Variants in DMD observed in about 807,000 individuals in gnomAD.
DMD encodes the protein mutant dystrophin.
DMD carries 63 observed loss-of-function variants against 330.1 expected under a neutral mutation model. That is an observed-to-expected ratio of 0.19 (90% CI 0.16 to 0.24). DMD has a LOEUF of 0.24. Among genes scored for constraint, DMD ranks in the 10% least tolerant of loss-of-function variants. DMD has a pLI of 1.00. For missense variants in DMD, 3,344 were observed against 2,684.1 expected, an observed-to-expected ratio of 1.25 and a Z score of -5.43; for synonymous variants, 1,223 against 959.8, an observed-to-expected ratio of 1.27 and a Z score of -5.07.
intron 43 of DMD, among the ~76,000 whole-genome samples, chrX:32,239,275 C>T (rs1446871059): frequency 8.9e-6 from 1 of 112,190 alleles, no homozygotes; most frequent in African/African-American, 3.2e-5. Flanking sequence ...ATGCTTTTGG[C>T]TATTTATACT....
intron 41 of DMD, among the ~76,000 whole-genome samples, chrX:32,312,978 C>A (rs781706130): frequency 1.6e-5 from 1 of 60,954 alleles, no homozygotes; most frequent in African/African-American, 4.7e-5. Flanking sequence ...CAGGACCAGA[C>A]GGATTCACAG....
intron 44 of DMD, among the ~76,000 whole-genome samples, chrX:32,017,223 A>G (rs912810068): frequency 1.8e-5 from 2 of 112,012 alleles, no homozygotes; most frequent in African/African-American, 6.5e-5. Flanking sequence ...AAGTAAAGGG[A>G]AAAATACAAT....
intron 62 of DMD, among the ~76,000 whole-genome samples, chrX:31,263,112 C>G (rs1435358369): frequency 8.9e-6 from 1 of 112,601 alleles, no homozygotes; most frequent in Non-Finnish European, 1.9e-5. Context: ...AATGTCCCAT[C>G]TCCAGGATAT....
At chrX:32,345,217 T>C (rs1197503679) in intron 39 of DMD, among the ~76,000 whole-genome samples, 1 of 110,999 alleles carries the variant, frequency 9.0e-6, no homozygotes, top group African/African-American at 3.3e-5. Context: ...GCAAAGCATA[T>C]ACAAAAAAAA....
intron 44 of DMD, among the ~76,000 whole-genome samples, chrX:32,190,277 G>A (rs2096967331): frequency 9.1e-6 from 1 of 109,751 alleles, no homozygotes; most frequent in Non-Finnish European, 1.9e-5. Context: ...GTTTACACAT[G>A]CAACTAATTG....
At chrX:32,950,461 T>A (rs965010756) in intron 2 of DMD, among the ~76,000 whole-genome samples, 1 of 110,894 alleles carries the variant, frequency 9.0e-6, no homozygotes, top group African/African-American at 3.3e-5. Context: ...TGTTGGCACA[T>A]TGCAGGGGGA....
intron 70 of DMD, chrX:31,178,410 T>A: frequency 1.0e-6 from 1 of 956,511 alleles, no homozygotes; most frequent in Non-Finnish European, 1.3e-6. Flanking sequence ...TGTAAGGCAA[T>A]TAGTGGCTGT....
At chrX:32,817,608 G>A (rs560475152) in intron 5 of DMD, among the ~76,000 whole-genome samples, 24 of 112,001 alleles carry the variant, frequency 2.1e-4, no homozygotes, top group African/African-American at 7.1e-4. Context: ...ATGTAAAAGT[G>A]ATCAGTCTGT....
intron 2 of DMD, among the ~76,000 whole-genome samples, chrX:32,998,551 C>A (rs35030756): frequency 0.036 from 3,960 of 109,412 alleles, 129 homozygotes; most frequent in East Asian, 0.2. Context: ...ATTTACCTGA[C>A]TTGAGCTAAC....
chrX:33,259,586 A>C (rs1425452775), intron 1 of DMD, among the ~76,000 whole-genome samples: 1 of 80,164 alleles, frequency 1.2e-5, no homozygotes, highest in Non-Finnish European at 2.3e-5. Context: ...TAATGTAAAT[A>C]TTTCAAAATC....
chrX:32,295,913 T>C (rs1361751049), intron 42 of DMD, among the ~76,000 whole-genome samples: 1 of 112,336 alleles, frequency 8.9e-6, no homozygotes, highest in Non-Finnish European at 1.9e-5. Flanking sequence ...AATGTCAAAG[T>C]AGATATTGCA....
At chrX:32,667,200 T>C (rs919763490) in intron 9 of DMD, among the ~76,000 whole-genome samples, 1 of 111,455 alleles carries the variant, frequency 9.0e-6, no homozygotes, top group African/African-American at 3.3e-5. Context: ...TCCTCATGCG[T>C]AGAAATCACC....
chrX:32,716,856 C>A (rs1018846701), intron 7 of DMD, among the ~76,000 whole-genome samples: 3 of 111,687 alleles, frequency 2.7e-5, no homozygotes, highest in African/African-American at 9.8e-5. Context: ...CATTGTGCCC[C>A]TGCTCTAGGT....
chrX:31,914,169 G>T (rs887726472), intron 47 of DMD, among the ~76,000 whole-genome samples: 4 of 111,983 alleles, frequency 3.6e-5, no homozygotes, highest in Non-Finnish European at 7.5e-5. Context: ...AGGGAGAGAA[G>T]TACTGGATTT....
chrX:31,663,739 T>C (rs1349492939), intron 53 of DMD, among the ~76,000 whole-genome samples: 1 of 110,926 alleles, frequency 9.0e-6, no homozygotes, highest in African/African-American at 3.3e-5. Flanking sequence ...GCGGGGACCT[T>C]CTCTAGAGAC....
At chrX:31,717,403 C>G (rs2085144741) in intron 52 of DMD, among the ~76,000 whole-genome samples, 1 of 111,925 alleles carries the variant, frequency 8.9e-6, no homozygotes, top group Non-Finnish European at 1.9e-5. Flanking sequence ...TGCTATGTCT[C>G]TTAAAGTACG....
chrX:32,652,503 A>G (rs955055541), intron 9 of DMD, among the ~76,000 whole-genome samples: 2 of 110,401 alleles, frequency 1.8e-5, no homozygotes, highest in Non-Finnish European at 3.8e-5. Context: ...TTCATGGTGT[A>G]TATGTGCCAC....
At chrX:32,553,666 C>A (rs1442821180) in intron 16 of DMD, among the ~76,000 whole-genome samples, 8 of 112,003 alleles carry the variant, frequency 7.1e-5, no homozygotes, top group Non-Finnish European at 1.5e-4. Context: ...ACTGTAGTTG[C>A]AATTACGAAC....
At chrX:31,511,537 G>A (rs1301431958) in intron 55 of DMD, among the ~76,000 whole-genome samples, 21 of 89,537 alleles carry the variant, frequency 2.3e-4, no homozygotes, top group African/African-American at 8.2e-4. Flanking sequence ...CTGTGTCCAT[G>A]TGTTCTCATT....
Sources: allele counts gnomAD v4.1 joint callset (sites outside exome capture counted in the v4.1 genomes callset), GRCh38; gene constraint gnomAD v4.1.1; transcripts MANE v1.5; gene names NCBI Gene and HGNC (gene_info 2026-07-23, HGNC 2026-07-21).